Variants in ZNF532 observed in about 807,000 individuals in gnomAD.
ZNF532 encodes the protein zinc finger protein 532.
In ZNF532, 22 loss-of-function variants were observed where a neutral mutation model predicts 89.3. The ratio of observed to expected loss-of-function variants is 0.25; its 90% CI spans 0.18 to 0.35. The LOEUF is 0.35. Ranked by LOEUF, ZNF532 falls within the 10% of genes least tolerant of loss-of-function variation. ZNF532 has a pLI of 1.00. For missense variants in ZNF532, 1,132 were observed against 1,643.4 expected, an observed-to-expected ratio of 0.69 and a Z score of 5.38; for synonymous variants, 606 against 649.6, an observed-to-expected ratio of 0.93 and a Z score of 1.02.
chr18:58,982,624 C>A (rs1355916064), intron 9 of ZNF532, among the ~76,000 whole-genome samples: 3 of 151,314 alleles, frequency 2.0e-5, no homozygotes, highest in Admixed American at 2.0e-4. Context: ...TCTGTCTCCA[C>A]CCCCCCAAAA....
intron 2 of ZNF532, among the ~76,000 whole-genome samples, chr18:58,874,197 T>A (rs1288280498): frequency 6.6e-6 from 1 of 152,200 alleles, no homozygotes; most frequent in African/African-American, 2.4e-5. Context: ...CTCCTCCTTG[T>A]CGCTAGAGTT....
chr18:58,940,741 G>C (rs756236614), intron 5 of ZNF532, among the ~76,000 whole-genome samples: 1 of 152,108 alleles, frequency 6.6e-6, no homozygotes, highest in Admixed American at 6.5e-5. Flanking sequence ...CCCTCCTTGT[G>C]CACACAGCAC....
intron 5 of ZNF532, among the ~76,000 whole-genome samples, chr18:58,940,954 A>ACACACACACACACACACACACC (rs1447946417): frequency 7.1e-6 from 1 of 141,262 alleles, no homozygotes; most frequent in Non-Finnish European, 1.6e-5. Flanking sequence ...ACACACACAC[A>ACACACACACACACACACACACC]CACACTCTTT....
Position 58,916,682 on chromosome 18 carries a change from T to G in ZNF532, c.-17-1589T>G, listed in dbSNP as rs564658185. The G allele has an allele frequency of 3.0e-6, 3 of 985,088 alleles. No individual in the cohort carries two copies. In the South Asian group the frequency reaches 1.4e-4, roughly 46 times the overall value. The allele number at this position is 985,088 out of a possible 1,614,324, so 61.0% of individuals were successfully genotyped here. ...GTGTTGATTTCGCCTTCAACAGTAG[T>G]TTTTTCTAACCAAATTCTTCAGTGT... On this transcript the variant is annotated intron_variant, in intron 2 of 9. Transcript: ENST00000591808.
chr18:58,936,947 C>T (rs979016241), intron 4 of ZNF532, among the ~76,000 whole-genome samples: 1 of 152,116 alleles, frequency 6.6e-6, no homozygotes, highest in Non-Finnish European at 1.5e-5. Context: ...TACTTTGTCT[C>T]GTCTTGGTGC....
At chr18:58,888,832 ATATATAATTTAT>A (rs1455549923) in intron 2 of ZNF532, among the ~76,000 whole-genome samples, 4 of 61,536 alleles carry the variant, frequency 6.5e-5, no homozygotes, top group Non-Finnish European at 1.0e-4. Context: ...TATAAATTAT[ATATATAATTTAT>A]ATATATATAA....
intron 2 of ZNF532, among the ~76,000 whole-genome samples, chr18:58,882,783 T>C (rs1309466087): frequency 6.6e-6 from 1 of 152,184 alleles, no homozygotes; most frequent in Admixed American, 6.6e-5. Flanking sequence ...GCTTTACGTT[T>C]GTCCCAGAGA....
chr18:58,885,604 C>T (rs752203514), intron 2 of ZNF532, among the ~76,000 whole-genome samples: 5 of 152,046 alleles, frequency 3.3e-5, no homozygotes, highest in Non-Finnish European at 2.9e-5. Flanking sequence ...CCTGTAATCC[C>T]AGCATTTTGG....
chr18:58,961,781 G>A (rs758095573), intron 7 of ZNF532, among the ~76,000 whole-genome samples: 1 of 152,214 alleles, frequency 6.6e-6, no homozygotes, highest in Non-Finnish European at 1.5e-5. Flanking sequence ...TTTGATAGCT[G>A]TCTTCAGATA....
At chr18:58,878,296 G>A (rs1463672904) in intron 2 of ZNF532, among the ~76,000 whole-genome samples, 4 of 152,096 alleles carry the variant, frequency 2.6e-5, no homozygotes, top group African/African-American at 9.7e-5. Flanking sequence ...CACTGGGCAG[G>A]TAGACCTTCA....
At chr18:58,876,058 G>A (rs1467120941) in intron 2 of ZNF532, among the ~76,000 whole-genome samples, 3 of 149,530 alleles carry the variant, frequency 2.0e-5, no homozygotes, top group Non-Finnish European at 4.4e-5. Context: ...TCAGCCTCCC[G>A]AGTAGCTGGG....
In ZNF532 at chr18:58,920,633, A is replaced by G; in HGVS notation, c.2346A>G (p.Gln782=). The change falls in exon 3 of 10, where the codon CAA becomes CAG. Residue 782 remains glutamine, a splice_region_variant and synonymous_variant. Coordinates refer to ENST00000591808, the MANE Select transcript of ZNF532 (RefSeq NM_001375912.1). The part of the protein sequence containing the change: ...HFQQAADTSG[Q]KTCTICQMLL... ...AGCAGGCTGCAGATACGAGTGGACA[A>G]GTAGAGTATCATTTAAATTTTTGTG... 1.9e-6 allele frequency: 3 copies of G among 1,561,958 alleles called. No individual in the cohort carries two copies. Among genetic ancestry groups the G allele is most frequent in the Non-Finnish European group, 2.6e-6 (3 of 1,152,226 alleles).
chr18:58,954,711 C>CTTT lies in ZNF532; in HGVS notation c.3150+929_3150+931dup, dbSNP rs11416830. 5.0e-3 allele frequency among the ~76,000 whole-genome samples: 529 copies of CTTT among 106,320 alleles called. 16 individuals are homozygous for CTTT. Among genetic ancestry groups the CTTT allele is most frequent in the African/African-American group, 0.014 (417 of 29,046 alleles). The allele number at this position is 106,320 out of a possible 152,430, so 69.8% of individuals were successfully genotyped here. On this transcript the variant is annotated intron_variant, in intron 7 of 9. Transcript: ENST00000591808. ...CTAGGAACCAACATGGAATTTGCTA[C>CTTT]TTTTTTTTTTTTTTTTTTTGAGAAA...
chr18:58,871,486 C>T (rs1261087850), intron 2 of ZNF532, among the ~76,000 whole-genome samples: 1 of 152,204 alleles, frequency 6.6e-6, no homozygotes, highest in Admixed American at 6.5e-5. Context: ...ACCCTCCCAG[C>T]TCGTAAGTGG....
chr18:58,893,212 A>G (rs1221280120), intron 2 of ZNF532, among the ~76,000 whole-genome samples: 1 of 152,116 alleles, frequency 6.6e-6, no homozygotes, highest in African/African-American at 2.4e-5. Context: ...TCCTGACCTC[A>G]GGTGATCTGC....
At chr18:58,910,035 G>A (rs1357676258) in intron 2 of ZNF532, among the ~76,000 whole-genome samples, 1 of 151,982 alleles carries the variant, frequency 6.6e-6, no homozygotes, top group Non-Finnish European at 1.5e-5. Flanking sequence ...GAGCCCAGGA[G>A]TAACCAGCCT....
intron 7 of ZNF532, among the ~76,000 whole-genome samples, chr18:58,975,330 G>GCCT (rs2066921505): frequency 6.6e-6 from 1 of 152,220 alleles, no homozygotes; most frequent in African/African-American, 2.4e-5. Flanking sequence ...CGTGGAGGTA[G>GCCT]GACTCCCAGG....
chr18:58,903,011 T>G (rs1348367599), intron 2 of ZNF532, among the ~76,000 whole-genome samples: 1 of 152,210 alleles, frequency 6.6e-6, no homozygotes, highest in Non-Finnish European at 1.5e-5. Context: ...ATTAATTTAG[T>G]TTTTCCCATT....
At chr18:58,951,641 C>CCGT (rs2064166189) in intron 6 of ZNF532, among the ~76,000 whole-genome samples, 10 of 49,324 alleles carry the variant, frequency 2.0e-4, no homozygotes, top group East Asian at 8.2e-4. Flanking sequence ...AGCCCTCGCC[C>CCGT]TGTTGTTTTT....
Sources: gnomAD v4.1 joint callset for allele counts (sites outside exome capture counted in the v4.1 genomes callset) on GRCh38, gnomAD v4.1.1 for gene constraint, MANE v1.5 for transcripts, NCBI Gene and HGNC (gene_info 2026-07-23, HGNC 2026-07-21) for gene names.